The following PECAM1 variants were observed in gnomAD, a reference collection of about 807,000 sequenced individuals.
PECAM1 encodes platelet endothelial cell adhesion molecule.
A neutral mutation model predicts 13.8 loss-of-function variants in PECAM1; 8 were observed. That is an observed-to-expected ratio of 0.58 (90% confidence interval 0.34 to 1.05). The LOEUF is 1.05. PECAM1 is among the 50% of genes least tolerant of loss of function. The pLI is 0.03. For missense variants in PECAM1, 304 were observed against 141.2 expected (o/e 2.15, Z -5.84); for synonymous variants, 136 against 52.6 (o/e 2.58, Z -6.86).
chr17:64,358,209 C>T (rs1347436771), intron 7 of PECAM1, among the ~76,000 whole-genome samples: 3 of 144,184 alleles, frequency 2.1e-5, no homozygotes, highest in African/African-American at 7.5e-5. Context: ...ACCTCTGCCT[C>T]CTGGATTCAA....
At chr17:64,357,394 C>T (rs2035870250) in intron 7 of PECAM1, among the ~76,000 whole-genome samples, 1 of 152,074 alleles carries the variant, frequency 6.6e-6, no homozygotes, top group East Asian at 1.9e-4. Context: ...CAGCCAGCCT[C>T]ACTCCCTGCA....
chr17:64,369,521 G>A (rs985289574), intron 5 of PECAM1, among the ~76,000 whole-genome samples: 8 of 152,184 alleles, frequency 5.3e-5, no homozygotes, highest in Admixed American at 3.3e-4. Flanking sequence ...AGCAGTGAGC[G>A]GCAGGGTTGA....
Position 64,390,764 on chromosome 17 carries a change from C to T in PECAM1, c.-99G>A. ...ACAAGTCACCGTTGAGAAACCCGCCCTGTGAAAAGCAGAAATTGCTCTGGT... is the reference window on the plus strand; with the variant it reads ...ACAAGTCACCGTTGAGAAACCCGCCTTGTGAAAAGCAGAAATTGCTCTGGT... On this transcript the variant is annotated 5_prime_UTR_variant, in exon 1 of 16. Transcript: ENST00000563924. 1 of 402,468 alleles carries T rather than the reference C, an allele frequency of 2.5e-6. No individual in the cohort carries two copies. The highest frequency in any genetic ancestry group is 4.4e-6 in the Non-Finnish European group (1 of 226,306). The allele number at this position is 402,468 out of a possible 1,614,324, so 24.9% of individuals were successfully genotyped here.
chr17:64,361,581 C>T (rs997744541), intron 6 of PECAM1, among the ~76,000 whole-genome samples: 2 of 151,524 alleles, frequency 1.3e-5, no homozygotes, highest in African/African-American at 4.8e-5. Flanking sequence ...TAGAGAAACC[C>T]CGTCTCTACT....
rs2143642004 is a variant in PECAM1, at chr17:64,321,753, CCT to C, written c.*2061_*2062del. ...TCCAGCCTGGGCAACAGAGCAAGCC[CCT>C]GTCTCAACAAAACAAAACAAAACAA... On this transcript the variant is annotated 3_prime_UTR_variant, in exon 16 of 16. Transcript: ENST00000563924. 1 of 1,267,148 alleles carries C rather than the reference CCT, an allele frequency of 7.9e-7. No individual in the cohort carries two copies. Among genetic ancestry groups the C allele is most frequent in the Non-Finnish European group, 1.0e-6 (1 of 965,668 alleles). The allele number at this position is 1,267,148 out of a possible 1,614,324, so 78.5% of individuals were successfully genotyped here. A position where few individuals can be genotyped will look rare whatever the true frequency, so the allele number is the denominator to read the frequency against.
At chr17:64,352,774 C>A (rs2035756425) in intron 10 of PECAM1, among the ~76,000 whole-genome samples, 1 of 152,026 alleles carries the variant, frequency 6.6e-6, no homozygotes, top group Non-Finnish European at 1.5e-5. Context: ...CGTGCCTCAG[C>A]CTCCCGAGTA....
chr17:64,388,138 C>A (rs1260999100), intron 2 of PECAM1, among the ~76,000 whole-genome samples: 1 of 152,120 alleles, frequency 6.6e-6, no homozygotes, highest in Non-Finnish European at 1.5e-5. Flanking sequence ...AAAGAACATT[C>A]ATTCTCTAGG....
At chr17:64,377,020 C>T in intron 3 of PECAM1, among the ~76,000 whole-genome samples, 1 of 152,222 alleles carries the variant, frequency 6.6e-6, no homozygotes, top group East Asian at 1.9e-4. Flanking sequence ...TCACTAGGTG[C>T]TGGAAATTTT....
At chr17:64,352,827 G>A (rs1442368281) in intron 10 of PECAM1, among the ~76,000 whole-genome samples, 2 of 151,830 alleles carry the variant, frequency 1.3e-5, no homozygotes, top group Non-Finnish European at 2.9e-5. Context: ...GCTAATTTTT[G>A]TGTTTTTAGT....
rs1050755758 is a variant in PECAM1, at chr17:64,363,156, G to A, written c.1209C>T (p.Val403=). The A allele has an allele frequency of 1.1e-3, 521 of 475,260 alleles. 2 individuals are homozygous for A. The highest frequency in any genetic ancestry group is 9.4e-3 in the African/African-American group (477 of 50,604). 29.4% of individuals were successfully genotyped at this position (475,260 alleles called of 1,614,324 possible). Residue 403 remains valine (V), a synonymous_variant, in exon 6 of 16, where the codon GTC becomes GTT. Transcript: ENST00000563924. ...CAGCAACAATATACTCACCACATAC[G>A]ACTATCTGGACTGTGTTGCTTTTCT... The part of the protein sequence containing the change: ...VVKKSNTVQI[V]VCEMLSQPRI...
chr17:64,322,228 A>C lies in PECAM1; in HGVS notation c.*1588T>G. On this transcript the variant is annotated 3_prime_UTR_variant, in exon 16 of 16. Transcript: ENST00000563924. ...TGGTGAAACCCCATCTCTACTAAAA[A>C]TACAAAAATTAGCCAGGCGTGGTGA... 1 of 428,232 alleles carries C rather than the reference A, an allele frequency of 2.3e-6. No individual in the cohort carries two copies. The highest frequency in any genetic ancestry group is 3.1e-6 in the Non-Finnish European group (1 of 318,552). 26.5% of individuals were successfully genotyped at this position (428,232 alleles called of 1,614,324 possible).
At position 64,345,900 on chromosome 17, in the gene PECAM1, C is replaced by T. The variant is rs1421578768; in HGVS notation, c.2107+2360G>A. Among the ~76,000 whole-genome samples, 5 of 151,710 alleles carry T rather than the reference C, an allele frequency of 3.3e-5. No homozygotes were observed. In the South Asian group the frequency reaches 6.2e-4, roughly 19 times the overall value. Reference sequence around the variant, plus strand: ...TGCAGCACACAGCCCAGCGGCTCTACGGGGCATCCCTGTAAGGAAAGTTCT... The same window carrying T: ...TGCAGCACACAGCCCAGCGGCTCTATGGGGCATCCCTGTAAGGAAAGTTCT... On this transcript the variant is annotated intron_variant, in intron 13 of 15. Transcript: ENST00000563924.
At position 64,358,111 on chromosome 17, in the gene PECAM1, CTTTTTTTTT is replaced by C. The variant is rs141671796; in HGVS notation, c.1493-1722_1493-1714del. On this transcript the variant is annotated intron_variant, in intron 7 of 15. Transcript: ENST00000563924. ...TCCAGCCATCTGATTTGGCCACAGT[CTTTTTTTTT>C]TTTTTTTTTTTTTTTTGAGATAGAG... Among the ~76,000 whole-genome samples, 8 of 71,550 alleles carry C rather than the reference CTTTTTTTTT, an allele frequency of 1.1e-4. No individual in the cohort carries two copies. The South Asian group carries it at 3.7e-3, about 33-fold the overall frequency. 46.9% of individuals were successfully genotyped at this position (71,550 alleles called of 152,430 possible).
At chr17:64,363,488 G>A in intron 5 of PECAM1, 91 bp from the exon 6 acceptor site, 1 of 469,520 alleles carries the variant, frequency 2.1e-6, no homozygotes, top group Non-Finnish European at 3.9e-6. Context: ...AGGTGCTCTT[G>A]GCAGAACCAA....
intron 7 of PECAM1, among the ~76,000 whole-genome samples, chr17:64,358,111 C>CATTTT (rs2035887938): frequency 4.2e-5 from 3 of 71,550 alleles, no homozygotes; most frequent in African/African-American, 5.3e-5. Context: ...TGGCCACAGT[C>CATTTT]TTTTTTTTTT....
At chr17:64,325,673 G>T (rs984849518) in intron 15 of PECAM1, among the ~76,000 whole-genome samples, 2 of 152,178 alleles carry the variant, frequency 1.3e-5, no homozygotes, top group Non-Finnish European at 2.9e-5. Flanking sequence ...GGAGATGGAG[G>T]TTGCAGTGAG....
intron 14 of PECAM1, among the ~76,000 whole-genome samples, chr17:64,332,281 C>T (rs1393222861): frequency 6.6e-6 from 1 of 152,118 alleles, no homozygotes; most frequent in Non-Finnish European, 1.5e-5. Flanking sequence ...GAGGACAGCA[C>T]CCCCAATGCA....
chr17:64,357,661 G>A (rs1015351711), intron 7 of PECAM1, among the ~76,000 whole-genome samples: 4 of 152,136 alleles, frequency 2.6e-5, no homozygotes, highest in African/African-American at 7.2e-5. Flanking sequence ...CCAGCTGTCT[G>A]CCCTAAGCCT....
chr17:64,368,470 T>C (rs2036161836), intron 5 of PECAM1, among the ~76,000 whole-genome samples: 1 of 152,132 alleles, frequency 6.6e-6, no homozygotes, highest in Non-Finnish European at 1.5e-5. Context: ...GTTGAGTTAC[T>C]AACCTCACAG....
Sources: gnomAD v4.1 joint callset for allele counts (sites outside exome capture counted in the v4.1 genomes callset) on GRCh38, gnomAD v4.1.1 for gene constraint, MANE v1.5 for transcripts, NCBI Gene and HGNC (gene_info 2026-07-23, HGNC 2026-07-21) for gene names.